Variants in SLC11A2 observed in about 807,000 individuals in gnomAD.
The protein encoded by SLC11A2 is solute carrier family 11 member 2.
A neutral mutation model predicts 68.0 loss-of-function variants in SLC11A2; 38 were observed. That is an observed-to-expected ratio of 0.56 (90% CI 0.43 to 0.73). The LOEUF (loss-of-function observed/expected upper bound fraction) is 0.73. Ranked by LOEUF, SLC11A2 falls within the 30% of genes least tolerant of loss-of-function variation. SLC11A2 has a pLI of 0.00. For synonymous variants in SLC11A2, 242 were observed against 250.6 expected, an observed-to-expected ratio of 0.97 and a Z score of 0.32; for missense variants, 517 against 690.5, an observed-to-expected ratio of 0.75 and a Z score of 2.82.
At chr12:50,952,578 G>A in the SLC11A2 span, among the ~76,000 whole-genome samples, 1 of 152,056 alleles carries the variant, frequency 6.6e-6, no homozygotes, top group Admixed American at 6.6e-5. Context: ...CAGCCTCTCG[G>A]GTCTCCACAG....
chr12:50,965,287 A>AT, the SLC11A2 span, among the ~76,000 whole-genome samples: 22,862 of 134,514 alleles, frequency 0.17, 2,240 homozygotes, highest in East Asian at 0.5. Flanking sequence ...CTAATTTTTA[A>AT]TTTTTTTTTT....
chr12:50,993,185 A>C, intron 11 of SLC11A2: 1 of 249,136 alleles, frequency 4.0e-6, no homozygotes, highest in Non-Finnish European at 6.9e-6. Flanking sequence ...CCTCCATCTT[A>C]AATATTAAAA....
At chr12:51,015,652 T>C (rs1943589214) in intron 1 of SLC11A2, among the ~76,000 whole-genome samples, 1 of 152,186 alleles carries the variant, frequency 6.6e-6, no homozygotes, top group Non-Finnish European at 1.5e-5. Context: ...TTGTTTCAGT[T>C]ACTTCGTCAC....
chr12:50,970,449 C>A, the SLC11A2 span: 1 of 1,489,030 alleles, frequency 6.7e-7, no homozygotes, highest in Non-Finnish European at 9.2e-7. Context: ...TAGGTGTTCT[C>A]TATTCTATGT....
the SLC11A2 span, among the ~76,000 whole-genome samples, chr12:50,967,932 T>G: frequency 1.3e-5 from 2 of 151,886 alleles, no homozygotes; most frequent in African/African-American, 4.8e-5. Context: ...TACAAAAAAT[T>G]AAAAAGTTAG....
chr12:50,986,365 A>G lies in SLC11A2; in HGVS notation c.*1960T>C, dbSNP rs1278938576. 3 of 1,281,102 alleles carry G rather than the reference A, an allele frequency of 2.3e-6. No individual in the cohort carries two copies. The highest frequency in any genetic ancestry group is 1.5e-5 in the African/African-American group (1 of 65,700). The allele number at this position is 1,281,102 out of a possible 1,614,324, so 79.4% of individuals were successfully genotyped here. ...ATCAAATGCAATAACGTATGAGGGT[A>G]TTTTTAACACTGTGAAGTACACACA... On this transcript the variant is annotated 3_prime_UTR_variant, in exon 16 of 16. Coordinates refer to ENST00000262052, the MANE Select transcript of SLC11A2 (RefSeq NM_000617.3).
the SLC11A2 span, among the ~76,000 whole-genome samples, chr12:50,970,745 A>AT: frequency 6.6e-6 from 1 of 152,184 alleles, no homozygotes. Flanking sequence ...TTCTGACTTA[A>AT]TTTTTTCAAA....
chr12:50,999,521 T>A lies in SLC11A2; in HGVS notation c.537-106A>T. ...CCAGATAAAGAACACTTGGAGAAGCTAGGACTTGAGGGAGGAGGGACAATG... is the reference window on the plus strand; with the variant it reads ...CCAGATAAAGAACACTTGGAGAAGCAAGGACTTGAGGGAGGAGGGACAATG... On this transcript the variant is annotated intron_variant, in intron 6 of 15. Transcript: ENST00000262052. 4.2e-6 allele frequency: 4 copies of A among 957,224 alleles called. No homozygotes were observed. In the Admixed American group the frequency reaches 5.5e-5, roughly 13 times the overall value. 59.3% of individuals were successfully genotyped at this position (957,224 alleles called of 1,614,324 possible).
intron 3 of SLC11A2, among the ~76,000 whole-genome samples, chr12:51,007,058 T>C (rs1295052652): frequency 6.6e-6 from 1 of 152,090 alleles, no homozygotes; most frequent in East Asian, 1.9e-4. Flanking sequence ...TCAATCAATT[T>C]CCAATCAGAA....
At chr12:50,979,271 T>C (rs2136115713), downstream of SLC11A2, 2 of 152,376 alleles carry the variant, frequency 1.3e-5, no homozygotes, top group African/African-American at 4.8e-5. Flanking sequence ...TATGACATTT[T>C]CTGATTACAG....
intron 5 of SLC11A2, among the ~76,000 whole-genome samples, chr12:51,003,596 T>A (rs1392201604): frequency 6.7e-6 from 1 of 149,260 alleles, no homozygotes; most frequent in African/African-American, 2.5e-5. Flanking sequence ...TATATATATA[T>A]AATTATTATT....
intron 1 of SLC11A2, among the ~76,000 whole-genome samples, chr12:51,025,405 AAAC>A (rs1163566992): frequency 2.6e-5 from 4 of 152,242 alleles, no homozygotes; most frequent in Non-Finnish European, 5.9e-5. Context: ...AGAAAGAGGC[AAAC>A]AACATGCTCA....
intron 15 of SLC11A2, among the ~76,000 whole-genome samples, chr12:50,989,529 A>T (rs184677849): frequency 1.6e-4 from 25 of 152,360 alleles, no homozygotes; most frequent in African/African-American, 5.5e-4. Context: ...CAAGCTCATT[A>T]GCCTTAGGCT....
In SLC11A2 at chr12:51,005,415, T is replaced by C; in HGVS notation, c.205A>G (p.Lys69Glu). Residue 69 changes from lysine (K) to glutamate (E), a missense_variant, in exon 4 of 16, where the codon AAA becomes GAA. Transcript: ENST00000262052. ...EEEYSCFSFRKLWAFTGPGFL... is the reference protein window; with the variant it reads ...EEEYSCFSFRELWAFTGPGFL... ...CCTGGTCCGGTGAAAGCCCAGAGTT[T>C]ACGAAAGCTAAAACAAGAGTACTGT... is the stretch of plus-strand genomic sequence containing the variant. 1.2e-6 allele frequency: 2 copies of C among 1,613,940 alleles called. No individual in the cohort carries two copies. Among genetic ancestry groups the C allele is most frequent in the East Asian group, 2.2e-5 (1 of 44,862 alleles).
chr12:50,963,398 A>G, the SLC11A2 span, among the ~76,000 whole-genome samples: 8 of 151,470 alleles, frequency 5.3e-5, no homozygotes, highest in African/African-American at 1.7e-4. Context: ...AAAAAAGAAA[A>G]GAAAAGAAAG....
chr12:50,993,056 C>G (rs224569), intron 11 of SLC11A2, 127 bp from the exon 12 acceptor site: 1,054,870 of 1,129,646 alleles, frequency 0.93, 493,294 homozygotes, highest in East Asian at 0.98. Flanking sequence ...TGCTGTGCTG[C>G]GCACTGTGCC....
chr12:50,992,452 C>A (rs1286584768), intron 12 of SLC11A2, 113 bp from the exon 13 acceptor site: 1 of 986,724 alleles, frequency 1.0e-6, no homozygotes, highest in African/African-American at 1.6e-5. Context: ...CAAAAGGGGC[C>A]AGGCGCAGTG....
the SLC11A2 span, among the ~76,000 whole-genome samples, chr12:50,965,462 T>C: frequency 6.6e-6 from 1 of 152,100 alleles, no homozygotes; most frequent in African/African-American, 2.4e-5. Context: ...TATTTCCTAC[T>C]ATAATAGCCC....
At position 50,999,423 on chromosome 12, in the gene SLC11A2, A is replaced by C. The variant is rs1282727722; in HGVS notation, c.537-8T>G. The C allele has an allele frequency of 1.1e-5, 18 of 1,606,344 alleles. No individual in the cohort carries two copies. Among genetic ancestry groups the C allele is most frequent in the Non-Finnish European group, 1.4e-5 (16 of 1,172,914 alleles). ...CCACCCCACAGAGGAATTCTAGGTC[A>C]GAGATGAGATATGGAAGTCAGAGAG... On this transcript the variant is annotated splice_region_variant and splice_polypyrimidine_tract_variant and intron_variant, in intron 6 of 15. Coordinates refer to ENST00000262052, the MANE Select transcript of SLC11A2 (RefSeq NM_000617.3).
Sources: gnomAD v4.1 joint callset for allele counts (sites outside exome capture counted in the v4.1 genomes callset) on GRCh38, gnomAD v4.1.1 for gene constraint, MANE v1.5 for transcripts, NCBI Gene and HGNC (gene_info 2026-07-23, HGNC 2026-07-21) for gene names.